PLEKHA7: variants seen among roughly 807,000 people sequenced by gnomAD.
PLEKHA7 encodes pleckstrin homology domain containing A7.
Under a neutral mutation model 170.0 loss-of-function variants are expected in PLEKHA7, and 104 were observed. That is an observed-to-expected ratio of 0.61 (90% CI 0.52 to 0.72). PLEKHA7 has a LOEUF of 0.72. Ranked by LOEUF, PLEKHA7 falls within the 30% of genes least tolerant of loss-of-function variation. The probability of loss-of-function intolerance (pLI) is 0.00; values close to 1 mark genes in which losing one functional copy is unlikely to be tolerated. For missense variants in PLEKHA7, 1,615 were observed against 1,671.7 expected (o/e 0.97, Z 0.59); for synonymous variants, 648 against 660.8 (o/e 0.98, Z 0.30).
intron 3 of PLEKHA7, among the ~76,000 whole-genome samples, chr11:16,947,609 AAAG>A (rs2136462892): frequency 6.7e-6 from 1 of 149,028 alleles, no homozygotes; most frequent in South Asian, 2.1e-4. Flanking sequence ...AAAAAGAAAG[AAAG>A]AAAGAAAGGA....
intron 21 of PLEKHA7, chr11:16,790,538 T>C: frequency 2.1e-6 from 1 of 470,572 alleles, no homozygotes; most frequent in Non-Finnish European, 3.8e-6. Context: ...CTATATAAAG[T>C]GCTTAAACAG....
intron 3 of PLEKHA7, among the ~76,000 whole-genome samples, chr11:16,939,863 G>T (rs1406990752): frequency 6.6e-6 from 1 of 152,172 alleles, no homozygotes; most frequent in Admixed American, 6.5e-5. Context: ...AAATGTGTGT[G>T]GGGTGAAGGG....
rs192801522 is a variant in PLEKHA7 at position 16,812,348 on chromosome 11, G to A, written c.2007+765C>T. On this transcript the variant is annotated intron_variant, in intron 13 of 26. Transcript: ENST00000531066. ...AGCCAGGTACACTGGAGACTGTAGG[G>A]AGGCACGCCACCCCTCGTGGCAGTC... The A allele has an allele frequency of 5.9e-3, 893 of 152,360 alleles. 3 individuals are homozygous for A. Among genetic ancestry groups the A allele is most frequent in the Non-Finnish European group, 9.7e-3 (663 of 68,046 alleles). The allele number at this position is 152,360 out of a possible 1,614,324, so 9.4% of individuals were successfully genotyped here.
intron 13 of PLEKHA7, among the ~76,000 whole-genome samples, chr11:16,803,752 T>C (rs545011236): frequency 3.3e-5 from 5 of 152,258 alleles, no homozygotes; most frequent in African/African-American, 9.6e-5. Flanking sequence ...CCCTTGACCA[T>C]TGTCAAGCCT....
chr11:16,947,963 G>A (rs938761236), intron 3 of PLEKHA7, among the ~76,000 whole-genome samples: 3 of 151,062 alleles, frequency 2.0e-5, no homozygotes, highest in Non-Finnish European at 4.4e-5. Context: ...AAGAAAACAT[G>A]CATATATATA....
intron 3 of PLEKHA7, among the ~76,000 whole-genome samples, chr11:16,924,694 A>T (rs542756500): frequency 7.1e-4 from 108 of 152,258 alleles, no homozygotes; most frequent in Non-Finnish European, 1.3e-3. Context: ...TTATCCTTCT[A>T]GGGAAATAGA....
intron 3 of PLEKHA7, among the ~76,000 whole-genome samples, chr11:16,999,221 C>T (rs1030304429): frequency 1.3e-5 from 2 of 151,994 alleles, no homozygotes; most frequent in African/African-American, 4.8e-5. Flanking sequence ...TCTGCCGGGA[C>T]ACATGTATTC....
At chr11:16,993,569 G>GAC (rs1351240900) in intron 3 of PLEKHA7, among the ~76,000 whole-genome samples, 1 of 152,128 alleles carries the variant, frequency 6.6e-6, no homozygotes, top group East Asian at 1.9e-4. Context: ...ATGAGCCAGG[G>GAC]ACACTGTTTC....
intron 3 of PLEKHA7, among the ~76,000 whole-genome samples, chr11:16,981,347 C>A (rs1254475091): frequency 6.6e-6 from 1 of 152,132 alleles, no homozygotes; most frequent in Non-Finnish European, 1.5e-5. Context: ...AAAACTGAGG[C>A]ACAGAGAGGT....
At chr11:16,913,492 G>GC (rs1858407474) in intron 3 of PLEKHA7, among the ~76,000 whole-genome samples, 1 of 152,208 alleles carries the variant, frequency 6.6e-6, no homozygotes, top group African/African-American at 2.4e-5. Flanking sequence ...CATAAGGCTG[G>GC]CAGCTGGCGT....
At chr11:16,807,457 A>C (rs1481402434) in intron 13 of PLEKHA7, among the ~76,000 whole-genome samples, 2 of 152,084 alleles carry the variant, frequency 1.3e-5, no homozygotes, top group Non-Finnish European at 2.9e-5. Context: ...CTTTTTATAA[A>C]ATGTTATATG....
rs143907328 is a variant in PLEKHA7 at position 16,958,074 on chromosome 11, C to T, written c.221+55915G>A. Among the ~76,000 whole-genome samples the T allele has an allele frequency of 1.3e-3, 193 of 152,176 alleles. 2 individuals are homozygous for T. Among genetic ancestry groups the T allele is most frequent in the Admixed American group, 0.011 (170 of 15,300 alleles). ...CTCACGCCTGTAATCTCAGCACTTT[C>T]GGAGGCCAAGGTGGGAGGACTGCTT... On this transcript the variant is annotated intron_variant, in intron 3 of 26. Coordinates refer to ENST00000531066, the MANE Select transcript of PLEKHA7 (RefSeq NM_001329630.2).
intron 3 of PLEKHA7, among the ~76,000 whole-genome samples, chr11:16,951,597 T>C (rs1330220467): frequency 6.6e-6 from 1 of 152,174 alleles, no homozygotes; most frequent in African/African-American, 2.4e-5. Flanking sequence ...CAGACTCTTA[T>C]CCACAGGGTC....
Position 16,783,761 on chromosome 11 carries a change from C to A in PLEKHA7, c.3589G>T (p.Glu1197Ter). 6.6e-7 allele frequency: 1 copy of A among 1,514,984 alleles called. No individual in the cohort carries two copies. Among genetic ancestry groups the A allele is most frequent in the East Asian group, 2.6e-5 (1 of 38,726 alleles). The allele number at this position is 1,514,984 out of a possible 1,614,324, so 93.8% of individuals were successfully genotyped here. The change falls in exon 25 of 27, where the codon GAG (glutamate) becomes TAG (stop). Residue 1197 changes from glutamate to a stop codon, truncating the protein, a stop_gained. Coordinates refer to ENST00000531066, the MANE Select transcript of PLEKHA7 (RefSeq NM_001329630.2). LOFTEE classifies it high-confidence loss of function. ...TTGCGGTACCGCGCCTGCAGCTCCT[C>A]AAGGCTGGGTGGCTCTTCGGGATCT... Reference protein sequence around the residue: ...ELDPEEPPSLEELQARYRKAE... With the variant: ...ELDPEEPPSL
intron 3 of PLEKHA7, among the ~76,000 whole-genome samples, chr11:17,001,637 A>T (rs971896714): frequency 6.6e-6 from 1 of 152,082 alleles, no homozygotes; most frequent in African/African-American, 2.4e-5. Flanking sequence ...TGCACCATAG[A>T]GTGTGATGTA....
intron 3 of PLEKHA7, among the ~76,000 whole-genome samples, chr11:16,922,499 C>T (rs1020521783): frequency 3.9e-5 from 6 of 152,178 alleles, no homozygotes; most frequent in African/African-American, 9.7e-5. Context: ...ATTCTCTCTC[C>T]CCTCATTCCT....
chr11:16,825,672 C>T (rs779973415), intron 10 of PLEKHA7, among the ~76,000 whole-genome samples: 12 of 152,244 alleles, frequency 7.9e-5, no homozygotes, highest in East Asian at 1.9e-4. Flanking sequence ...ACAGTGCCTA[C>T]GCACTTCTGT....
At chr11:16,933,534 A>C (rs1287081392) in intron 3 of PLEKHA7, among the ~76,000 whole-genome samples, 1 of 152,232 alleles carries the variant, frequency 6.6e-6, no homozygotes, top group African/African-American at 2.4e-5. Context: ...GAGAAAAACA[A>C]GACTTCCAGC....
chr11:16,899,271 C>T (rs1232671318), intron 3 of PLEKHA7, among the ~76,000 whole-genome samples: 4 of 152,060 alleles, frequency 2.6e-5, no homozygotes, highest in Non-Finnish European at 5.9e-5. Context: ...CTGAGGCAGG[C>T]GGATCACCTG....
Sources: allele counts gnomAD v4.1 joint callset (sites outside exome capture counted in the v4.1 genomes callset), GRCh38; gene constraint gnomAD v4.1.1; transcripts MANE v1.5; gene names NCBI Gene and HGNC (gene_info 2026-07-23, HGNC 2026-07-21).